Variants in DOK6 observed in about 807,000 individuals in gnomAD.
The protein encoded by DOK6 is downstream of tyrosine kinase 6.
In DOK6, 22 loss-of-function variants were observed where a neutral mutation model predicts 44.0. That is an observed-to-expected ratio of 0.50 (90% CI 0.36 to 0.71). The LOEUF (loss-of-function observed/expected upper bound fraction) is 0.71, where lower values mean the gene tolerates loss of function less well. Among genes scored for constraint, DOK6 ranks in the 30% least tolerant of loss-of-function variants. The pLI is 0.00. For synonymous variants in DOK6, 166 were observed against 145.5 expected, an observed-to-expected ratio of 1.14 and a Z score of -1.01; for missense variants, 340 against 416.4, an observed-to-expected ratio of 0.82 and a Z score of 1.60.
At chr18:69,490,745 T>G (rs1347461473) in intron 1 of DOK6, among the ~76,000 whole-genome samples, 1 of 152,232 alleles carries the variant, frequency 6.6e-6, no homozygotes, top group East Asian at 1.9e-4. Context: ...TTAGTTTTGT[T>G]TCTTTTAATT....
chr18:69,497,451 G>T (rs948615185), intron 1 of DOK6, among the ~76,000 whole-genome samples: 1 of 152,052 alleles, frequency 6.6e-6, no homozygotes. Flanking sequence ...AGGGAGAATC[G>T]TTCATGTGGC....
At chr18:69,624,613 A>G (rs1050451122) in intron 3 of DOK6, among the ~76,000 whole-genome samples, 12 of 152,136 alleles carry the variant, frequency 7.9e-5, no homozygotes, top group African/African-American at 2.9e-4. Context: ...TAAGCCAGAG[A>G]TGTATCATGA....
At chr18:69,532,236 G>A (rs1982005750) in intron 1 of DOK6, among the ~76,000 whole-genome samples, 1 of 152,304 alleles carries the variant, frequency 6.6e-6, no homozygotes, top group South Asian at 2.1e-4. Flanking sequence ...TATCTGAACA[G>A]AGCTCTGGTC....
chr18:69,819,464 A>T (rs78508287), intron 7 of DOK6, among the ~76,000 whole-genome samples: 20,060 of 152,146 alleles, frequency 0.13, 1,475 homozygotes, highest in African/African-American at 0.15. Context: ...TCATTCCAGC[A>T]TGTACAATCC....
chr18:69,697,545 T>G (rs964776482), intron 4 of DOK6, among the ~76,000 whole-genome samples: 1 of 152,136 alleles, frequency 6.6e-6, no homozygotes, highest in African/African-American at 2.4e-5. Context: ...TGCTAGGAAC[T>G]AGGGATACTT....
chr18:69,614,569 TG>T (rs1984240607), intron 3 of DOK6, among the ~76,000 whole-genome samples: 3 of 151,468 alleles, frequency 2.0e-5, no homozygotes, highest in Non-Finnish European at 2.9e-5. Flanking sequence ...TGTGTGTGTG[TG>T]TGTGTTAAGA....
In DOK6 at chr18:69,845,154, A is replaced by C. The variant is rs961894446; in HGVS notation, c.*3771A>C. ...TTTGAGCCATTTACTAAAATTGGCCATTAGTGATACAGTGAAAACAAGCTA... is the reference window on the plus strand; with the variant it reads ...TTTGAGCCATTTACTAAAATTGGCCCTTAGTGATACAGTGAAAACAAGCTA... On this transcript the variant is annotated 3_prime_UTR_variant, in exon 8 of 8. Transcript: ENST00000382713. 5 of 152,246 alleles carry C rather than the reference A, an allele frequency of 3.3e-5. No homozygotes were observed. The highest frequency in any genetic ancestry group is 9.6e-5 in the African/African-American group (4 of 41,462). 9.4% of individuals were successfully genotyped at this position (152,246 alleles called of 1,614,324 possible).
At chr18:69,596,515 C>A (rs1403292497) in intron 2 of DOK6, among the ~76,000 whole-genome samples, 1 of 152,058 alleles carries the variant, frequency 6.6e-6, no homozygotes, top group Admixed American at 6.6e-5. Flanking sequence ...TACAAAGGAA[C>A]CCCAATAAGA....
intron 7 of DOK6, among the ~76,000 whole-genome samples, chr18:69,806,862 C>T (rs531349167): frequency 1.8e-4 from 27 of 152,088 alleles, no homozygotes; most frequent in Admixed American, 3.3e-4. Flanking sequence ...TCAAGTACAT[C>T]ATGTATTCAT....
At chr18:69,519,476 T>C (rs1356588391) in intron 1 of DOK6, among the ~76,000 whole-genome samples, 1 of 151,852 alleles carries the variant, frequency 6.6e-6, no homozygotes. Context: ...GCCACAAATA[T>C]GAAAATATCT....
At chr18:69,727,147 C>G (rs572413874) in intron 5 of DOK6, among the ~76,000 whole-genome samples, 176 of 152,286 alleles carry the variant, frequency 1.2e-3, no homozygotes, top group Non-Finnish European at 2.2e-3. Context: ...GCATGAGCCA[C>G]TGCACCAGGC....
chr18:69,816,825 A>G (rs77671930), intron 7 of DOK6, among the ~76,000 whole-genome samples: 7,619 of 152,314 alleles, frequency 0.05, 278 homozygotes, highest in Non-Finnish European at 0.074. Flanking sequence ...AATAGGACAT[A>G]GGAGGAGAAG....
chr18:69,627,118 C>T (rs1984574714), intron 3 of DOK6, among the ~76,000 whole-genome samples: 1 of 152,144 alleles, frequency 6.6e-6, no homozygotes, highest in Non-Finnish European at 1.5e-5. Flanking sequence ...CGAGTCATGG[C>T]CTGATTCATA....
intron 1 of DOK6, among the ~76,000 whole-genome samples, chr18:69,479,009 G>A (rs1980345510): frequency 6.6e-6 from 1 of 152,104 alleles, no homozygotes; most frequent in South Asian, 2.1e-4. Context: ...ATCCAATTTA[G>A]ATATTTTGTC....
chr18:69,719,134 A>G (rs781451435), intron 5 of DOK6, among the ~76,000 whole-genome samples: 13 of 152,200 alleles, frequency 8.5e-5, no homozygotes, highest in Admixed American at 8.5e-4. Flanking sequence ...ATTGCAAATC[A>G]GCCAAATGGA....
intron 7 of DOK6, among the ~76,000 whole-genome samples, chr18:69,779,343 GCATA>G (rs1305489712): frequency 1.3e-5 from 2 of 151,670 alleles, no homozygotes; most frequent in Non-Finnish European, 2.9e-5. Flanking sequence ...TTACCCTACT[GCATA>G]TATGTCCCTG....
chr18:69,806,428 A>G (rs1054144719), intron 7 of DOK6, among the ~76,000 whole-genome samples: 8 of 151,982 alleles, frequency 5.3e-5, no homozygotes, highest in African/African-American at 1.9e-4. Context: ...ATTTTAGAGT[A>G]TCTACACTAA....
At chr18:69,605,076 T>TTGTGTGTGTGTGTGTGTGTGTG (rs71176987) in intron 3 of DOK6, among the ~76,000 whole-genome samples, 2 of 125,858 alleles carry the variant, frequency 1.6e-5, no homozygotes, top group East Asian at 2.3e-4. Context: ...AGAGATCCCT[T>TTGTGTGTGTGTGTGTGTGTGTG]TGTGTGTGTG....
chr18:69,632,999 G>A (rs926236050), intron 3 of DOK6, among the ~76,000 whole-genome samples: 3 of 152,296 alleles, frequency 2.0e-5, no homozygotes, highest in East Asian at 3.9e-4. Flanking sequence ...TAAGCTCACA[G>A]CTGTGAATCA....
Sources: allele counts gnomAD v4.1 joint callset (sites outside exome capture counted in the v4.1 genomes callset), GRCh38; gene constraint gnomAD v4.1.1; transcripts MANE v1.5; gene names NCBI Gene and HGNC (gene_info 2026-07-23, HGNC 2026-07-21).